Variants in TUBB observed in about 807,000 individuals in gnomAD.
TUBB encodes tubulin beta class I.
TUBB carries 2 observed loss-of-function variants against 35.1 expected under a neutral mutation model. The observed-to-expected ratio is 0.06, with a 90% CI of 0.02 to 0.18. The LOEUF is 0.18. Ranked by LOEUF, TUBB falls within the 10% of genes least tolerant of loss-of-function variation. The pLI, the probability that TUBB is intolerant of heterozygous loss-of-function variation, is 1.00. For missense variants in TUBB, 50 were observed against 599.4 expected (o/e 0.08, Z 9.57); for synonymous variants, 205 against 223.8 (o/e 0.92, Z 0.75).
chr6:30,720,679 A>C, intron 1 of TUBB, 116 bp downstream of exon 1: 1 of 870,378 alleles, frequency 1.1e-6, no homozygotes, highest in Non-Finnish European at 1.8e-6. Context: ...TGCCCCTCTC[A>C]AGTTTGTTAC....
At position 30,720,409 on chromosome 6, in the gene TUBB, A is replaced by G. The variant is rs780105399; in HGVS notation, c.-98A>G. The G allele has an allele frequency of 8.1e-7, 1 of 1,237,002 alleles. No individual in the cohort carries two copies. Among genetic ancestry groups the G allele is most frequent in the Middle Eastern group, 2.0e-4 (1 of 5,082 alleles). The allele number at this position is 1,237,002 out of a possible 1,614,324, so 76.6% of individuals were successfully genotyped here. On this transcript the variant is annotated 5_prime_UTR_variant, in exon 1 of 4. Coordinates refer to ENST00000327892, the MANE Select transcript of TUBB (RefSeq NM_178014.4). ...CTCGCTGCTCCAGCCTCTGGGGCGC[A>G]TTCCAACCTTCCAGCCTGCGACCTG...
intron 1 of TUBB, chr6:30,721,583 C>T (rs879892157): frequency 6.9e-4 from 676 of 985,290 alleles, no homozygotes; most frequent in Non-Finnish European, 7.6e-4. Context: ...GCGCGTGCGC[C>T]GCAGTCACGT....
intron 1 of TUBB, chr6:30,721,758 A>C (rs1327126332): frequency 1.0e-6 from 1 of 984,984 alleles, no homozygotes; most frequent in Admixed American, 6.2e-5. Flanking sequence ...GACCCGCTGC[A>C]CATATCCAGA....
At chr6:30,722,224 T>A (rs1776325005) in intron 1 of TUBB, 1 of 310,088 alleles carries the variant, frequency 3.2e-6, no homozygotes, top group Non-Finnish European at 6.2e-6. Context: ...GGTGGGCGGA[T>A]CACGAGGTCA....
intron 1 of TUBB, chr6:30,721,468 T>G: frequency 4.7e-6 from 4 of 846,860 alleles, no homozygotes; most frequent in Non-Finnish European, 5.7e-6. Flanking sequence ...CAATGCGGCG[T>G]TGCCCGCCGG....
rs139901632 is a variant in TUBB at position 30,724,262 on chromosome 6, C to T, written c.1200C>T (p.Gly400=). ...RRKAFLHWYT[G]EGMDEMEFTE... is the part of the protein sequence containing the mutation. ...AGGCCTTCCTCCACTGGTACACAGG[C>T]GAGGGCATGGACGAGATGGAGTTCA... The change falls in exon 4 of 4, where the codon GGC becomes GGT. Residue 400 remains glycine, a synonymous_variant. Coordinates refer to ENST00000327892, the MANE Select transcript of TUBB (RefSeq NM_178014.4). This position sits in a 1 kb window ranked among gnomAD's most constrained non-coding sequence, Gnocchi z 4.4. 7.4e-4 allele frequency: 1,196 copies of T among 1,613,774 alleles called. 5 individuals are homozygous for T. Among genetic ancestry groups the T allele is most frequent in the Middle Eastern group, 5.4e-3 (32 of 5,902 alleles).
At chr6:30,722,275 TCTA>T (rs1173260164) in intron 1 of TUBB, 12 of 428,704 alleles carry the variant, frequency 2.8e-5, no homozygotes, top group Non-Finnish European at 4.7e-5. Flanking sequence ...GAAACCCGTC[TCTA>T]CTAAAAATAC....
At chr6:30,720,585 T>C in intron 1 of TUBB, 22 bp downstream of exon 1, 1 of 1,601,376 alleles carries the variant, frequency 6.2e-7, no homozygotes, top group Non-Finnish European at 8.5e-7. Flanking sequence ...ACACCTCTTT[T>C]ATTTCTTTTT....
chr6:30,722,821 A>G, intron 2 of TUBB, 97 bp from the exon 3 acceptor site: 2 of 1,230,084 alleles, frequency 1.6e-6, no homozygotes, highest in Non-Finnish European at 2.3e-6. Flanking sequence ...GGGACCTGGA[A>G]TGACAAGTCT....
Position 30,723,465 on chromosome 6 carries a change from C to T in TUBB, c.403C>T (p.Leu135=), listed in dbSNP as rs1303052499. The T allele has an allele frequency of 6.2e-7, 1 of 1,614,254 alleles. No homozygotes were observed. The highest frequency in any genetic ancestry group is 1.7e-5 in the Admixed American group (1 of 60,026). ...CTGTGACTGCCTGCAGGGCTTCCAG[C>T]TGACCCACTCACTGGGCGGGGGCAC... is the stretch of plus-strand genomic sequence containing the variant. ...ESCDCLQGFQ[L]THSLGGGTGS... The change falls in exon 4 of 4, where the codon CTG becomes TTG. Residue 135 remains leucine (L), a synonymous_variant. Transcript: ENST00000327892.
chr6:30,724,289 C>T lies in TUBB; in HGVS notation c.1227C>T (p.Thr409=), dbSNP rs570585647. ...AGGGCATGGACGAGATGGAGTTCAC[C>T]GAGGCTGAGAGCAACATGAACGACC... is the stretch of plus-strand genomic sequence containing the variant. The part of the protein sequence containing the change: ...TGEGMDEMEF[T]EAESNMNDLV... The change falls in exon 4 of 4, where the codon ACC becomes ACT. Residue 409 remains threonine (T), a synonymous_variant. Transcript: ENST00000327892. This position sits in a 1 kb window ranked among gnomAD's most constrained non-coding sequence, Gnocchi z 4.4. 76 of 1,613,376 alleles carry T rather than the reference C, an allele frequency of 4.7e-5. No individual in the cohort carries two copies. The highest frequency in any genetic ancestry group is 5.8e-5 in the Non-Finnish European group (68 of 1,179,880).
chr6:30,722,449 ATT>A (rs1776346507), intron 1 of TUBB, 86 bp from the exon 2 acceptor site: 1 of 979,550 alleles, frequency 1.0e-6, no homozygotes, highest in Non-Finnish European at 1.6e-6. Flanking sequence ...CTCAAAAAAA[ATT>A]AAGAAAAAGA....
In TUBB at chr6:30,720,386, C is replaced by G. The variant is rs1327242483; in HGVS notation, c.-121C>G. The G allele has an allele frequency of 2.5e-5, 24 of 950,018 alleles. No homozygotes were observed. The highest frequency in any genetic ancestry group is 3.8e-5 in the Admixed American group (2 of 52,416). The allele number at this position is 950,018 out of a possible 1,614,324, so 58.8% of individuals were successfully genotyped here. A position where few individuals can be genotyped will look rare whatever the true frequency, so the allele number is the denominator to read the frequency against. On this transcript the variant is annotated 5_prime_UTR_variant, in exon 1 of 4. Transcript: ENST00000327892. ...CCTTCCTGCCGTCGCGTTTGCACCT[C>G]GCTGCTCCAGCCTCTGGGGCGCATT...
At chr6:30,721,530 T>G in intron 1 of TUBB, 1 of 984,210 alleles carries the variant, frequency 1.0e-6, no homozygotes, top group Non-Finnish European at 1.2e-6. Context: ...TTTTTGTCCC[T>G]GGCCCCGCCC....
intron 1 of TUBB, chr6:30,721,642 C>G (rs1002746118): frequency 1.0e-6 from 1 of 985,318 alleles, no homozygotes; most frequent in Non-Finnish European, 1.2e-6. Context: ...TTCCTCAGAC[C>G]CCCAGCCTTT....
chr6:30,722,476 A>C, intron 1 of TUBB, 61 bp from the exon 2 acceptor site: 1 of 1,100,060 alleles, frequency 9.1e-7, no homozygotes, highest in South Asian at 1.3e-5. Flanking sequence ...ATAAAATGGT[A>C]GTTGGGGACA....
chr6:30,724,717 C>G lies in TUBB; in HGVS notation c.*320C>G, dbSNP rs770128202. On this transcript the variant is annotated 3_prime_UTR_variant, in exon 4 of 4. Coordinates refer to ENST00000327892, the MANE Select transcript of TUBB (RefSeq NM_178014.4). The surrounding 1 kb of genome is among the most constrained non-coding windows in gnomAD (Gnocchi z 4.4). ...CTCCAAGAAGCTGGGTCTCCAGATC[C>G]CATTTAGAACCAACCAGGTGCTGAA... 22 of 366,082 alleles carry G rather than the reference C, an allele frequency of 6.0e-5. No individual in the cohort carries two copies. Among genetic ancestry groups the G allele is most frequent in the Non-Finnish European group, 1.1e-4 (22 of 204,274 alleles). The allele number at this position is 366,082 out of a possible 1,614,324, so 22.7% of individuals were successfully genotyped here.
At position 30,722,813 on chromosome 6, in the gene TUBB, G is replaced by C. The variant is rs1581666353; in HGVS notation, c.167-105G>C. On this transcript the variant is annotated intron_variant, in intron 2 of 3. Coordinates refer to ENST00000327892, the MANE Select transcript of TUBB (RefSeq NM_178014.4). ...GACGTCTGCTGCCACCTGGTGGCGGGACCTGGAATGACAAGTCTCTGATCC... is the reference window on the plus strand; with the variant it reads ...GACGTCTGCTGCCACCTGGTGGCGGCACCTGGAATGACAAGTCTCTGATCC... The C allele has an allele frequency of 1.5e-5, 18 of 1,170,330 alleles. No homozygotes were observed. In the East Asian group the frequency reaches 4.3e-4, roughly 28 times the overall value. 72.5% of individuals were successfully genotyped at this position (1,170,330 alleles called of 1,614,324 possible).
At chr6:30,722,070 T>C (rs972736984) in intron 1 of TUBB, 2 of 207,418 alleles carry the variant, frequency 9.6e-6, no homozygotes, top group South Asian at 2.8e-4. Flanking sequence ...GGAGGATCGG[T>C]TGAGCCTGGG....
Sources: gnomAD v4.1 joint callset for allele counts on GRCh38, gnomAD v4.1.1 for gene constraint, Gnocchi (gnomAD v3.1) non-coding constraint, MANE v1.5 for transcripts, NCBI Gene and HGNC (gene_info 2026-07-23, HGNC 2026-07-21) for gene names.